The following ZNF714 variants were observed in gnomAD, a reference collection of about 807,000 sequenced individuals.
ZNF714 encodes zinc finger protein 714.
A neutral mutation model predicts 46.2 loss-of-function variants in ZNF714; 32 were observed. That is an observed-to-expected ratio of 0.69 (90% CI 0.52 to 0.93). The LOEUF (loss-of-function observed/expected upper bound fraction) is 0.93. Ranked by LOEUF, ZNF714 falls within the 40% of genes least tolerant of loss-of-function variation. The pLI is 0.00. For synonymous variants in ZNF714, 199 were observed against 213.1 expected, an observed-to-expected ratio of 0.93 and a Z score of 0.58; for missense variants, 635 against 646.3, an observed-to-expected ratio of 0.98 and a Z score of 0.19.
Position 21,123,607 on chromosome 19 carries a change from G to T in ZNF714, c.*5275G>T, listed in dbSNP as rs1007910954. 6.6e-5 allele frequency among the ~76,000 whole-genome samples: 10 copies of T among 152,002 alleles called. No homozygotes were observed. The highest frequency in any genetic ancestry group is 1.0e-4 in the Non-Finnish European group (7 of 68,002). On this transcript the variant is annotated 3_prime_UTR_variant, in exon 5 of 5. Transcript: ENST00000456283. ...CCTGACCTCGTGATCCGCCCGCCTCGACCTCCCAAAGTGGTGGGATTACAG... is the reference window on the plus strand; with the variant it reads ...CCTGACCTCGTGATCCGCCCGCCTCTACCTCCCAAAGTGGTGGGATTACAG...
At position 21,117,856 on chromosome 19, in the gene ZNF714, A is replaced by G. The variant is rs774395125; in HGVS notation, c.1192A>G (p.Lys398Glu). Reference protein sequence around the residue: ...KIIHTGEKPYKCEECGKAFNQ... With the variant: ...KIIHTGEKPYECEECGKAFNQ... ...AATTCATACTGGAGAGAAACCTTACAAATGTGAAGAATGTGGCAAAGCTTT... is the reference window on the plus strand; with the variant it reads ...AATTCATACTGGAGAGAAACCTTACGAATGTGAAGAATGTGGCAAAGCTTT... The change falls in exon 5 of 5, where the codon AAA (lysine) becomes GAA (glutamate). Residue 398 changes from lysine to glutamate, a missense_variant. By Grantham distance (56) the Lys-to-Glu change is moderately conservative. Coordinates refer to ENST00000456283, the MANE Select transcript of ZNF714 (RefSeq NM_182515.4). 5 of 1,613,230 alleles carry G rather than the reference A, an allele frequency of 3.1e-6. No homozygotes were observed. In the East Asian group the frequency reaches 8.9e-5, roughly 29 times the overall value.
intron 2 of ZNF714, among the ~76,000 whole-genome samples, chr19:21,089,587 A>G (rs968745874): frequency 6.6e-6 from 1 of 152,198 alleles, no homozygotes; most frequent in African/African-American, 2.4e-5. Flanking sequence ...AGACAAGAGA[A>G]AGTACTATCA....
At chr19:21,083,193 C>T (rs1392627612) in intron 1 of ZNF714, among the ~76,000 whole-genome samples, 3 of 152,114 alleles carry the variant, frequency 2.0e-5, no homozygotes, top group Non-Finnish European at 4.4e-5. Context: ...TGCGCCACCA[C>T]GCCCGTCTAA....
Position 21,118,463 on chromosome 19 carries a change from AAAAAAG to A in ZNF714, c.*136_*141del, listed in dbSNP as rs1969654718. 2.3e-6 allele frequency: 1 copy of A among 429,628 alleles called. No individual in the cohort carries two copies. The highest frequency in any genetic ancestry group is 4.1e-6 in the Non-Finnish European group (1 of 242,106). 26.6% of individuals were successfully genotyped at this position (429,628 alleles called of 1,614,324 possible). A position where few individuals can be genotyped will look rare whatever the true frequency, so the allele number is the denominator to read the frequency against. ...CAAGACTCTGTCTCAAAAAAAAAAA[AAAAAAG>A]AAAAGAAAATTCATACTGGAACGAA... On this transcript the variant is annotated 3_prime_UTR_variant, in exon 5 of 5. Coordinates refer to ENST00000456283, the MANE Select transcript of ZNF714 (RefSeq NM_182515.4).
In ZNF714 at chr19:21,084,089, G is replaced by T; in HGVS notation, c.-85+20G>T. The T allele has an allele frequency of 9.7e-7, 1 of 1,036,050 alleles. No homozygotes were observed. Among genetic ancestry groups the T allele is most frequent in the Non-Finnish European group, 1.2e-6 (1 of 840,978 alleles). The allele number at this position is 1,036,050 out of a possible 1,614,324, so 64.2% of individuals were successfully genotyped here. ...GAAAAGGTAATCAGATGCTGGTACT[G>T]AGGGGAAAACACAGAAATAACATCT... On this transcript the variant is annotated intron_variant, in intron 2 of 4. Coordinates refer to ENST00000456283, the MANE Select transcript of ZNF714 (RefSeq NM_182515.4).
At chr19:21,090,843 A>G (rs1968891196) in intron 2 of ZNF714, 1 of 149,238 alleles carries the variant, frequency 6.7e-6, no homozygotes, top group Admixed American at 6.7e-5. Flanking sequence ...ATTATATGCT[A>G]AACAAGGGGT....
intron 4 of ZNF714, among the ~76,000 whole-genome samples, chr19:21,102,008 T>C (rs976627096): frequency 6.6e-6 from 1 of 152,196 alleles, no homozygotes; most frequent in Non-Finnish European, 1.5e-5. Flanking sequence ...TCATCCGGGC[T>C]GGTCTGGAAA....
Position 21,082,393 on chromosome 19 carries a change from G to A in ZNF714, c.-177+45G>A, listed in dbSNP as rs545274659. The A allele has an allele frequency of 4.0e-4, 571 of 1,445,472 alleles. 4 individuals carry two copies. Among genetic ancestry groups the A allele is most frequent in the Non-Finnish European group, 7.6e-5 (81 of 1,069,898 alleles). The allele number at this position is 1,445,472 out of a possible 1,614,324, so 89.5% of individuals were successfully genotyped here. On this transcript the variant is annotated intron_variant, in intron 1 of 4. Transcript: ENST00000456283. ...CATCCCGAGAGAGGGGAAGGGGCGG[G>A]TTGTAAGCGGTGGGAAGTGGCTGTG... is the stretch of plus-strand genomic sequence containing the variant.
At chr19:21,097,563 T>C (rs991441786) in intron 2 of ZNF714, among the ~76,000 whole-genome samples, 2 of 151,186 alleles carry the variant, frequency 1.3e-5, no homozygotes, top group Non-Finnish European at 2.9e-5. Context: ...CACCTGCCCT[T>C]TTTTCTTAGG....
intron 2 of ZNF714, among the ~76,000 whole-genome samples, chr19:21,087,118 A>G (rs1228724869): frequency 6.6e-6 from 1 of 150,668 alleles, no homozygotes; most frequent in Non-Finnish European, 1.5e-5. Flanking sequence ...ACAAACTTGC[A>G]TTTGAGAACA....
chr19:21,105,581 A>C (rs1353522968), intron 4 of ZNF714, among the ~76,000 whole-genome samples: 3 of 151,746 alleles, frequency 2.0e-5, no homozygotes, highest in Non-Finnish European at 2.9e-5. Context: ...ACCCATGTCA[A>C]GTTTTTTTTC....
chr19:21,119,205 C>A lies in ZNF714; in HGVS notation c.*873C>A, dbSNP rs1248260519. 2.6e-6 allele frequency: 1 copy of A among 388,654 alleles called. No homozygotes were observed. The highest frequency in any genetic ancestry group is 9.4e-5 in the East Asian group (1 of 10,610). The allele number at this position is 388,654 out of a possible 1,614,324, so 24.1% of individuals were successfully genotyped here. ...GGATCATGAGGTCAGGAGTTTGAGA[C>A]CAGCCTATCCAAGATGGTGAAACCC... On this transcript the variant is annotated 3_prime_UTR_variant, in exon 5 of 5. Transcript: ENST00000456283.
Position 21,082,270 on chromosome 19 carries a change from C to T in ZNF714, c.-255C>T, listed in dbSNP as rs937598221. On this transcript the variant is annotated 5_prime_UTR_variant, in exon 1 of 5. Coordinates refer to ENST00000456283, the MANE Select transcript of ZNF714 (RefSeq NM_182515.4). ...CCTGTGTCCTCTGCTCGCAGAGGCC[C>T]AGCCTCTGTGGCCCTGTGACCTGCA... 9.3e-6 allele frequency: 13 copies of T among 1,400,432 alleles called. No individual in the cohort carries two copies. Among genetic ancestry groups the T allele is most frequent in the East Asian group, 3.6e-5 (1 of 27,640 alleles). 86.8% of individuals were successfully genotyped at this position (1,400,432 alleles called of 1,614,324 possible).
chr19:21,104,092 A>G (rs1404075856), intron 4 of ZNF714, among the ~76,000 whole-genome samples: 1 of 152,204 alleles, frequency 6.6e-6, no homozygotes, highest in African/African-American at 2.4e-5. Context: ...TATCTCATAT[A>G]CATAGTGGAA....
At chr19:21,103,425 C>T (rs1487485748) in intron 4 of ZNF714, among the ~76,000 whole-genome samples, 1 of 151,908 alleles carries the variant, frequency 6.6e-6, no homozygotes, top group Non-Finnish European at 1.5e-5. Flanking sequence ...TGGTGGCCTA[C>T]GCCTGTTGTT....
chr19:21,121,294 A>G lies in ZNF714; in HGVS notation c.*2962A>G, dbSNP rs1001889893. On this transcript the variant is annotated 3_prime_UTR_variant, in exon 5 of 5. Coordinates refer to ENST00000456283, the MANE Select transcript of ZNF714 (RefSeq NM_182515.4). Reference sequence around the variant, plus strand: ...GATCTGGTCTCGATCTCCTGACCTCATGATCTGCCTGCCTTGACCTCCCAA... The same window carrying G: ...GATCTGGTCTCGATCTCCTGACCTCGTGATCTGCCTGCCTTGACCTCCCAA... 3.3e-5 allele frequency: 5 copies of G among 151,976 alleles called. No homozygotes were observed. Among genetic ancestry groups the G allele is most frequent in the Non-Finnish European group, 5.9e-5 (4 of 68,022 alleles). 9.4% of individuals were successfully genotyped at this position (151,976 alleles called of 1,614,324 possible). A position where few individuals can be genotyped will look rare whatever the true frequency, so the allele number is the denominator to read the frequency against.
intron 4 of ZNF714, among the ~76,000 whole-genome samples, chr19:21,112,816 A>ATTTTTTTTTTTTTGTT (rs1969483163): frequency 2.3e-5 from 1 of 43,210 alleles, no homozygotes; most frequent in Non-Finnish European, 4.2e-5. Flanking sequence ...TTTATTTCTG[A>ATTTTTTTTTTTTTGTT]TTTTTTTTTT....
intron 4 of ZNF714, among the ~76,000 whole-genome samples, chr19:21,114,271 CT>C (rs1969534057): frequency 6.6e-6 from 1 of 151,886 alleles, no homozygotes; most frequent in Non-Finnish European, 1.5e-5. Context: ...ACCTCGTCTA[CT>C]AAAAATACAA....
intron 4 of ZNF714, among the ~76,000 whole-genome samples, chr19:21,108,486 A>G (rs865907917): frequency 2.0e-5 from 3 of 152,184 alleles, no homozygotes; most frequent in South Asian, 2.1e-4. Flanking sequence ...CCTTTGTGCT[A>G]TCCTGGTCAT....
Sources: allele counts gnomAD v4.1 joint callset (sites outside exome capture counted in the v4.1 genomes callset), GRCh38; gene constraint gnomAD v4.1.1; transcripts MANE v1.5; gene names NCBI Gene and HGNC (gene_info 2026-07-23, HGNC 2026-07-21).